Variants in STIM1 observed in about 807,000 individuals in gnomAD.
STIM1 encodes the protein stromal interaction molecule 1.
Under a neutral mutation model 74.7 loss-of-function variants are expected in STIM1, and 25 were observed. The observed-to-expected ratio is 0.33, with a 90% CI of 0.24 to 0.47. STIM1 has a LOEUF of 0.47. Among genes scored for constraint, STIM1 ranks in the 20% least tolerant of loss-of-function variants. The pLI is 1.00. For synonymous variants in STIM1, 328 were observed against 348.8 expected (o/e 0.94, Z 0.66); for missense variants, 728 against 920.8 (o/e 0.79, Z 2.71).
At chr11:3,983,541 C>T (rs760021889) in intron 2 of STIM1, among the ~76,000 whole-genome samples, 6 of 152,188 alleles carry the variant, frequency 3.9e-5, no homozygotes, top group Non-Finnish European at 8.8e-5. Flanking sequence ...GCAATTCCCT[C>T]TTACCCATAT....
At chr11:3,869,030 G>A (rs545906496) in intron 1 of STIM1, among the ~76,000 whole-genome samples, 15 of 151,688 alleles carry the variant, frequency 9.9e-5, no homozygotes, top group South Asian at 2.1e-4. Context: ...GTGCAGTGGC[G>A]CCATCTTGGC....
chr11:3,888,028 C>A (rs2091780181), intron 1 of STIM1: 1 of 152,000 alleles, frequency 6.6e-6, no homozygotes, highest in African/African-American at 2.4e-5. Flanking sequence ...CTCCCCACCA[C>A]CCCTCAAGCA....
At chr11:3,876,195 A>G (rs2091302317) in intron 1 of STIM1, among the ~76,000 whole-genome samples, 1 of 152,222 alleles carries the variant, frequency 6.6e-6, no homozygotes, top group Non-Finnish European at 1.5e-5. Context: ...TTATTGTCAT[A>G]CTTAGTGGGT....
chr11:4,049,202 A>G (rs777586905), intron 3 of STIM1, among the ~76,000 whole-genome samples: 12 of 152,236 alleles, frequency 7.9e-5, no homozygotes, highest in African/African-American at 9.6e-5. Context: ...GTTATGACAG[A>G]AAATCCTTTC....
chr11:3,891,160 T>C (rs538884598), intron 1 of STIM1, among the ~76,000 whole-genome samples: 1 of 152,240 alleles, frequency 6.6e-6, no homozygotes, highest in South Asian at 2.1e-4. Flanking sequence ...ATTATTCTCA[T>C]TTTGTAGATG....
intron 2 of STIM1, chr11:3,972,922 A>C (rs924235849): frequency 2.0e-6 from 1 of 503,994 alleles, no homozygotes; most frequent in Non-Finnish European, 3.9e-6. Context: ...CGTGCATCCA[A>C]AATTTGAGGA....
intron 1 of STIM1, among the ~76,000 whole-genome samples, chr11:3,901,297 A>T (rs747382053): frequency 6.6e-6 from 1 of 152,236 alleles, no homozygotes; most frequent in Non-Finnish European, 1.5e-5. Context: ...GGAGGCTTTA[A>T]TATGATAAGG....
chr11:3,937,319 A>ATAATAATAATAATAATAG (rs55981710), intron 1 of STIM1, among the ~76,000 whole-genome samples: 1,621 of 149,014 alleles, frequency 0.011, 32 homozygotes, highest in East Asian at 0.076. Flanking sequence ...AATAATAATA[A>ATAATAATAATAATAATAG]AATATCTGGA....
At chr11:3,926,775 T>C (rs912574874) in intron 1 of STIM1, among the ~76,000 whole-genome samples, 12 of 152,220 alleles carry the variant, frequency 7.9e-5, no homozygotes, top group African/African-American at 2.4e-4. Context: ...GGATGGAGGA[T>C]AGAGGACTAT....
Position 3,950,224 on chromosome 11 carries a change from C to T in STIM1, c.140-17328C>T, listed in dbSNP as rs112216804. On this transcript the variant is annotated intron_variant, in intron 1 of 12. Transcript: ENST00000526596. ...TCTGGGCTCACTGCAACCTCCACCT[C>T]CTGGGTTCAAGCGATTCTCCTGCCT... Among the ~76,000 whole-genome samples the T allele has an allele frequency of 2.5e-4, 38 of 151,472 alleles. 1 individual carries two copies. Among genetic ancestry groups the T allele is most frequent in the African/African-American group, 8.7e-4 (36 of 41,208 alleles).
chr11:3,987,804 G>GACACACACACAC (rs55772228), intron 2 of STIM1, among the ~76,000 whole-genome samples: 10 of 145,284 alleles, frequency 6.9e-5, no homozygotes, highest in East Asian at 6.1e-4. Context: ...TGTCCTTAAG[G>GACACACACACAC]ACACACACAC....
chr11:4,083,169 A>G (rs2094474107), intron 9 of STIM1, 94 bp from the exon 10 acceptor site: 4 of 1,375,540 alleles, frequency 2.9e-6, no homozygotes, highest in Middle Eastern at 1.8e-4. Flanking sequence ...TTATTCACAC[A>G]TATTCTCAAA....
At chr11:3,904,683 G>A (rs961870772) in intron 1 of STIM1, among the ~76,000 whole-genome samples, 1 of 152,154 alleles carries the variant, frequency 6.6e-6, no homozygotes, top group African/African-American at 2.4e-5. Context: ...GGTCATGGGG[G>A]TTGATTTAAA....
At chr11:3,963,983 T>C (rs1353658933) in intron 1 of STIM1, among the ~76,000 whole-genome samples, 1 of 152,212 alleles carries the variant, frequency 6.6e-6, no homozygotes, top group East Asian at 1.9e-4. Flanking sequence ...ACTTCAAATG[T>C]ATTAAATGTC....
intron 6 of STIM1, among the ~76,000 whole-genome samples, chr11:4,072,976 C>T (rs1040053405): frequency 1.3e-4 from 19 of 150,942 alleles, no homozygotes; most frequent in South Asian, 6.3e-4. Flanking sequence ...CCTAACATTT[C>T]CTCTTCTTAC....
At chr11:3,901,721 T>C (rs1357903152) in intron 1 of STIM1, among the ~76,000 whole-genome samples, 1 of 152,238 alleles carries the variant, frequency 6.6e-6, no homozygotes, top group Middle Eastern at 3.2e-3. Context: ...GGTAGGAGAT[T>C]TAGCTAACTG....
intron 2 of STIM1, among the ~76,000 whole-genome samples, chr11:4,003,409 C>T (rs1423725889): frequency 2.7e-5 from 4 of 150,602 alleles, no homozygotes; most frequent in African/African-American, 7.3e-5. Flanking sequence ...TGGGCTTCAT[C>T]CCTGGGATGC....
rs1255647604 is a variant in STIM1 at position 3,895,793 on chromosome 11, TTCCTTCCTTC to T, written c.139+39385_139+39394del. On this transcript the variant is annotated intron_variant, in intron 1 of 12. Coordinates refer to ENST00000526596, the MANE Select transcript of STIM1 (RefSeq NM_001382567.1). ...CTTCCTTCCTTCCTTCCTTCCTTCC[TTCCTTCCTTC>T]CTTTCTTTCCTTCCTTCTTTCTTTT... Among the ~76,000 whole-genome samples, 832 of 98,276 alleles carry T rather than the reference TTCCTTCCTTC, an allele frequency of 8.5e-3. 122 individuals carry two copies. Among genetic ancestry groups the T allele is most frequent in the African/African-American group, 0.031 (507 of 16,200 alleles). 64.5% of individuals were successfully genotyped at this position (98,276 alleles called of 152,430 possible).
chr11:4,037,436 C>T (rs2959074), intron 3 of STIM1, among the ~76,000 whole-genome samples: 65,874 of 152,014 alleles, frequency 0.43, 16,052 homozygotes, highest in Non-Finnish European at 0.55. Context: ...CTTGTAGTTT[C>T]TGGTTCACGT....
Sources: gnomAD v4.1 joint callset for allele counts (sites outside exome capture counted in the v4.1 genomes callset) on GRCh38, gnomAD v4.1.1 for gene constraint, MANE v1.5 for transcripts, NCBI Gene and HGNC (gene_info 2026-07-23, HGNC 2026-07-21) for gene names.